The following EPHA6 variants were observed in gnomAD, a reference collection of about 807,000 sequenced individuals.
EPHA6 encodes EPH receptor A6, also known as ephrin type-A receptor 6.
A neutral mutation model predicts 112.0 loss-of-function variants in EPHA6; 50 were observed. The ratio of observed to expected loss-of-function variants is 0.45; its 90% CI spans 0.36 to 0.56. EPHA6 has a LOEUF of 0.56. EPHA6 is among the 20% of genes least tolerant of loss of function. The probability of loss-of-function intolerance (pLI) is 0.00; values close to 1 mark genes in which losing one functional copy is unlikely to be tolerated. For missense variants in EPHA6, 1,280 were observed against 1,417.4 expected (o/e 0.90, Z 1.56); for synonymous variants, 529 against 490.7 (o/e 1.08, Z -1.03).
chr3:97,615,753 C>T (rs1387796658), intron 13 of EPHA6, among the ~76,000 whole-genome samples: 1 of 152,180 alleles, frequency 6.6e-6, no homozygotes, highest in Non-Finnish European at 1.5e-5. Flanking sequence ...TTCCTCCTCA[C>T]TGGTGGGGCA....
chr3:97,461,354 A>T (rs2090882591), intron 7 of EPHA6, among the ~76,000 whole-genome samples: 2 of 152,140 alleles, frequency 1.3e-5, no homozygotes, highest in South Asian at 4.1e-4. Flanking sequence ...CAAATATGGG[A>T]CTTTGAATAA....
chr3:97,716,906 T>A (rs2034265588), intron 14 of EPHA6, among the ~76,000 whole-genome samples: 2 of 152,166 alleles, frequency 1.3e-5, no homozygotes, highest in South Asian at 4.1e-4. Flanking sequence ...TTCCAGTTCA[T>A]ACTTTCCATT....
chr3:97,082,705 T>C (rs1177239833), intron 3 of EPHA6, among the ~76,000 whole-genome samples: 5 of 151,916 alleles, frequency 3.3e-5, no homozygotes, highest in Admixed American at 1.3e-4. Flanking sequence ...ATCAGTGATA[T>C]GCGTGTAACA....
At chr3:97,735,393 G>A (rs950175690) in intron 15 of EPHA6, among the ~76,000 whole-genome samples, 7 of 151,954 alleles carry the variant, frequency 4.6e-5, no homozygotes, top group African/African-American at 1.4e-4. Context: ...GTCAGACTAA[G>A]GGAAAGCTAA....
chr3:97,382,876 C>A (rs2085834809), intron 5 of EPHA6, among the ~76,000 whole-genome samples: 1 of 151,870 alleles, frequency 6.6e-6, no homozygotes, highest in African/African-American at 2.4e-5. Flanking sequence ...GAAAGTAGTA[C>A]CTAATGATAA....
intron 2 of EPHA6, among the ~76,000 whole-genome samples, chr3:96,937,629 A>C (rs1231039923): frequency 1.3e-5 from 2 of 152,032 alleles, no homozygotes; most frequent in Non-Finnish European, 2.9e-5. Context: ...ATTTTTGTCA[A>C]TTTTGACTTT....
chr3:97,651,839 T>C (rs1321386894), intron 14 of EPHA6, among the ~76,000 whole-genome samples: 2 of 152,020 alleles, frequency 1.3e-5, no homozygotes, highest in Non-Finnish European at 2.9e-5. Context: ...CATGCTGACT[T>C]TATTTTTTTT....
chr3:97,714,408 T>C (rs2107773723), intron 14 of EPHA6, among the ~76,000 whole-genome samples: 1 of 152,330 alleles, frequency 6.6e-6, no homozygotes, highest in African/African-American at 2.4e-5. Flanking sequence ...AAGACAGATA[T>C]TATTTCCATA....
At chr3:97,544,645 A>G (rs1189450343) in intron 11 of EPHA6, among the ~76,000 whole-genome samples, 3 of 152,026 alleles carry the variant, frequency 2.0e-5, no homozygotes, top group African/African-American at 7.2e-5. Context: ...TCTATTGATT[A>G]GAATAGTTTC....
chr3:97,663,959 A>G (rs1178161350), intron 14 of EPHA6, among the ~76,000 whole-genome samples: 2 of 152,122 alleles, frequency 1.3e-5, no homozygotes, highest in African/African-American at 4.8e-5. Flanking sequence ...CAACAGTGTA[A>G]AAGTGTTCCT....
intron 5 of EPHA6, among the ~76,000 whole-genome samples, chr3:97,324,406 TTTCTTTCTTTC>T (rs2082272817): frequency 9.9e-5 from 1 of 10,106 alleles, no homozygotes; most frequent in Non-Finnish European, 2.7e-4. Flanking sequence ...CTTTCCTTCT[TTTCTTTCTTTC>T]TTTCTTTCTT....
intron 14 of EPHA6, among the ~76,000 whole-genome samples, chr3:97,651,748 A>G (rs962284588): frequency 1.3e-5 from 2 of 152,124 alleles, no homozygotes; most frequent in African/African-American, 4.8e-5. Context: ...CAATCAGCAC[A>G]TGTCCAGCAA....
At chr3:96,859,802 A>G (rs1559779358) in intron 1 of EPHA6, among the ~76,000 whole-genome samples, 1 of 152,070 alleles carries the variant, frequency 6.6e-6, no homozygotes. Context: ...TGGTACAATT[A>G]CTGACAATTT....
chr3:97,145,509 T>A (rs1314478629), intron 3 of EPHA6, among the ~76,000 whole-genome samples: 1 of 150,828 alleles, frequency 6.6e-6, no homozygotes, highest in East Asian at 1.9e-4. Context: ...TTAAAATACC[T>A]TATTTACCTT....
intron 3 of EPHA6, among the ~76,000 whole-genome samples, chr3:97,218,928 A>T (rs1329344681): frequency 6.6e-6 from 1 of 152,110 alleles, no homozygotes; most frequent in Non-Finnish European, 1.5e-5. Context: ...ACCCATTCCA[A>T]ATGGGAGAAA....
intron 2 of EPHA6, among the ~76,000 whole-genome samples, chr3:96,934,992 C>T (rs1234665293): frequency 6.6e-6 from 1 of 151,616 alleles, no homozygotes; most frequent in African/African-American, 2.4e-5. Flanking sequence ...TATTAACTTT[C>T]AATCATAATA....
At chr3:97,410,022 A>G (rs111313504) in intron 6 of EPHA6, among the ~76,000 whole-genome samples, 18,392 of 152,078 alleles carry the variant, frequency 0.12, 3,557 homozygotes, top group African/African-American at 0.41. Context: ...TTTAAAAAAT[A>G]TAAGGAGATT....
At chr3:96,924,894 G>A (rs555452832) in intron 2 of EPHA6, among the ~76,000 whole-genome samples, 3 of 152,100 alleles carry the variant, frequency 2.0e-5, no homozygotes, top group South Asian at 2.1e-4. Flanking sequence ...TGAGATAATC[G>A]TGGTTTTTGT....
chr3:96,937,036 T>A (rs1323621325), intron 2 of EPHA6, among the ~76,000 whole-genome samples: 2 of 152,190 alleles, frequency 1.3e-5, no homozygotes, highest in Non-Finnish European at 2.9e-5. Flanking sequence ...TGGTTCCAAG[T>A]CTTTGCTATT....
Sources: allele counts gnomAD v4.1 joint callset (sites outside exome capture counted in the v4.1 genomes callset), GRCh38; gene constraint gnomAD v4.1.1; transcripts MANE v1.5; gene names NCBI Gene and HGNC (gene_info 2026-07-23, HGNC 2026-07-21).